The following ADAMTS18 variants were observed in gnomAD, a reference collection of about 807,000 sequenced individuals.
The protein encoded by ADAMTS18 is ADAM metallopeptidase with thrombospondin type 1 motif 18.
A neutral mutation model predicts 165.9 loss-of-function variants in ADAMTS18; 157 were observed. The observed-to-expected ratio is 0.95, with a 90% CI of 0.83 to 1.08. The LOEUF (loss-of-function observed/expected upper bound fraction) is 1.08, where lower values mean the gene tolerates loss of function less well. Ranked by LOEUF, ADAMTS18 falls within the 50% of genes least tolerant of loss-of-function variation. The pLI, the probability that ADAMTS18 is intolerant of heterozygous loss-of-function variation, is 0.00. For missense variants in ADAMTS18, 2,040 were observed against 1,534.0 expected (o/e 1.33, Z -5.51); for synonymous variants, 782 against 578.2 (o/e 1.35, Z -5.06).
At chr16:77,287,844 C>G (rs1397325316) in intron 22 of ADAMTS18, among the ~76,000 whole-genome samples, 3 of 152,160 alleles carry the variant, frequency 2.0e-5, no homozygotes, top group Admixed American at 2.0e-4. Context: ...ACAGGTAGAA[C>G]TGACCATCAC....
intron 16 of ADAMTS18, among the ~76,000 whole-genome samples, chr16:77,318,004 G>A (rs557956244): frequency 2.6e-5 from 4 of 152,264 alleles, no homozygotes; most frequent in Non-Finnish European, 4.4e-5. Flanking sequence ...GCACTATGTC[G>A]CTTTCCTCAG....
At chr16:77,421,370 T>C (rs140515456) in intron 3 of ADAMTS18, among the ~76,000 whole-genome samples, 1 of 152,248 alleles carries the variant, frequency 6.6e-6, no homozygotes, top group African/African-American at 2.4e-5. Flanking sequence ...GAAGAGGAAC[T>C]CCTGGGTTTG....
chr16:77,404,983 C>T (rs1379905357), intron 3 of ADAMTS18, among the ~76,000 whole-genome samples: 1 of 152,130 alleles, frequency 6.6e-6, no homozygotes, highest in Non-Finnish European at 1.5e-5. Context: ...AAGGCCAGAG[C>T]CCCCAGAGCG....
chr16:77,399,689 A>G (rs1211585004), intron 3 of ADAMTS18, among the ~76,000 whole-genome samples: 1 of 152,204 alleles, frequency 6.6e-6, no homozygotes, highest in African/African-American at 2.4e-5. Flanking sequence ...TGCCGAGCAC[A>G]AAGTAGTAAA....
At chr16:77,403,823 C>A (rs538727727) in intron 3 of ADAMTS18, among the ~76,000 whole-genome samples, 1 of 152,222 alleles carries the variant, frequency 6.6e-6, no homozygotes, top group East Asian at 1.9e-4. Context: ...CACACAATTT[C>A]AAATAAGTAA....
rs2055193593 is a variant in ADAMTS18 at position 77,283,766 on chromosome 16, A to C, written c.*190T>G. On this transcript the variant is annotated 3_prime_UTR_variant, in exon 23 of 23. Coordinates refer to ENST00000282849, the MANE Select transcript of ADAMTS18 (RefSeq NM_199355.4). ...TTCCCATTTTCAAGTGCTTCAGAGT[A>C]CCACGTGCTTCAGGGAATTGAGCTA... The C allele has an allele frequency of 1.4e-5, 8 of 590,798 alleles. No homozygotes were observed. Among genetic ancestry groups the C allele is most frequent in the Middle Eastern group, 9.3e-4 (2 of 2,158 alleles). 36.6% of individuals were successfully genotyped at this position (590,798 alleles called of 1,614,324 possible).
chr16:77,432,092 T>C (rs2057747340), intron 2 of ADAMTS18, among the ~76,000 whole-genome samples: 1 of 152,096 alleles, frequency 6.6e-6, no homozygotes, highest in Non-Finnish European at 1.5e-5. Context: ...AGAGGCAGAG[T>C]TTACATTTCA....
intron 3 of ADAMTS18, among the ~76,000 whole-genome samples, chr16:77,422,335 A>C (rs2057613865): frequency 6.6e-6 from 1 of 151,918 alleles, no homozygotes; most frequent in Non-Finnish European, 1.5e-5. Context: ...GATGCCAGGT[A>C]CCCAAGGAAG....
intron 3 of ADAMTS18, among the ~76,000 whole-genome samples, chr16:77,419,824 C>A (rs989227073): frequency 8.6e-5 from 13 of 151,724 alleles, no homozygotes; most frequent in African/African-American, 2.4e-4. Flanking sequence ...CATGGTGAAA[C>A]CCCGTCTCTA....
intron 12 of ADAMTS18, among the ~76,000 whole-genome samples, chr16:77,329,037 A>C (rs2056143307): frequency 6.6e-6 from 1 of 152,128 alleles, no homozygotes; most frequent in African/African-American, 2.4e-5. Flanking sequence ...CCGGGTATGG[A>C]AAGAAAGAAT....
intron 21 of ADAMTS18, chr16:77,290,400 C>T (rs1011950092): frequency 2.0e-5 from 3 of 152,122 alleles, no homozygotes; most frequent in African/African-American, 4.8e-5. Flanking sequence ...TGTTTGCTGA[C>T]CCCTTAATCT....
intron 16 of ADAMTS18, among the ~76,000 whole-genome samples, chr16:77,316,867 A>G (rs2055896385): frequency 1.3e-5 from 2 of 152,032 alleles, no homozygotes; most frequent in Non-Finnish European, 2.9e-5. Flanking sequence ...GGACTTCACC[A>G]TGTAGGCCAG....
rs760193459 is a variant in ADAMTS18 at position 77,293,223 on chromosome 16, A to AAC, written c.3041_3042insGT (p.Glu1015LeufsTer59). ...CGGCAGAGCCCTTGCAGAGGAGTTC[A>AAC]CGCTTCCTCACCCCTCGTCCACAGG... On this transcript the variant is annotated frameshift_variant, in exon 20 of 23. Coordinates refer to ENST00000282849, the MANE Select transcript of ADAMTS18 (RefSeq NM_199355.4). LOFTEE classifies it high-confidence loss of function. 27 of 1,613,776 alleles carry AAC rather than the reference A, an allele frequency of 1.7e-5. No individual in the cohort carries two copies. The highest frequency in any genetic ancestry group is 2.1e-5 in the Non-Finnish European group (25 of 1,179,986).
rs1380372391 is a variant in ADAMTS18, at chr16:77,434,444, C to G, written c.152G>C (p.Ser51Thr). ...SVAAALASDS[S>T]SGASGLNDDY... ...ATCATTTAATCCGCTGGCGCCGCTG[C>G]TGCTGTCACTGGCTAAGGCCGCGGC... The change falls in exon 2 of 23, where the codon AGC (serine) becomes ACC (threonine). Residue 51 changes from serine to threonine, a missense_variant. Physicochemically the swap from Ser to Thr is moderately conservative, Grantham distance 58. Coordinates refer to ENST00000282849, the MANE Select transcript of ADAMTS18 (RefSeq NM_199355.4). 1.3e-6 allele frequency: 2 copies of G among 1,573,754 alleles called. No individual in the cohort carries two copies. The highest frequency in any genetic ancestry group is 1.7e-6 in the Non-Finnish European group (2 of 1,165,652).
rs2057697921 is a variant in ADAMTS18, at chr16:77,428,238, G to C, written c.495+3057C>G. Among the ~76,000 whole-genome samples, 3 of 152,144 alleles carry C rather than the reference G, an allele frequency of 2.0e-5. No homozygotes were observed. The South Asian group carries it at 6.2e-4, about 32-fold the overall frequency. On this transcript the variant is annotated intron_variant, in intron 3 of 22. Transcript: ENST00000282849. ...TAGGAGAAGGGTGGCTGTCTCTCCT[G>C]GCATGTTAACTCGATGAGTCTCTCC...
At chr16:77,399,614 A>G (rs1431471387) in intron 3 of ADAMTS18, among the ~76,000 whole-genome samples, 1 of 152,214 alleles carries the variant, frequency 6.6e-6, no homozygotes, top group African/African-American at 2.4e-5. Flanking sequence ...TGCTGTTTCA[A>G]TCGAGAAATG....
At chr16:77,334,184 ATAGT>A (rs1202158695) in intron 12 of ADAMTS18, among the ~76,000 whole-genome samples, 5 of 78,776 alleles carry the variant, frequency 6.3e-5, no homozygotes, top group Non-Finnish European at 8.9e-5. Flanking sequence ...TATATAATAT[ATAGT>A]GTTATATATT....
chr16:77,418,688 T>C (rs2057561569), intron 3 of ADAMTS18, among the ~76,000 whole-genome samples: 1 of 152,218 alleles, frequency 6.6e-6, no homozygotes, highest in South Asian at 2.1e-4. Flanking sequence ...GCTTCTTCTC[T>C]TTGGGCTTAC....
intron 8 of ADAMTS18, 110 bp from the exon 9 acceptor site, chr16:77,356,187 C>A: frequency 7.0e-7 from 1 of 1,421,936 alleles, no homozygotes; most frequent in South Asian, 1.2e-5. Context: ...AAGTGAGAGA[C>A]AGAGTTATTA....
Sources: gnomAD v4.1 joint callset for allele counts (sites outside exome capture counted in the v4.1 genomes callset) on GRCh38, gnomAD v4.1.1 for gene constraint, MANE v1.5 for transcripts, NCBI Gene and HGNC (gene_info 2026-07-23, HGNC 2026-07-21) for gene names.